The following VPS53 variants were observed in gnomAD, a reference collection of about 807,000 sequenced individuals.
VPS53 encodes the protein vacuolar protein sorting-associated protein 53 homolog.
A neutral mutation model predicts 107.0 loss-of-function variants in VPS53; 70 were observed. The observed-to-expected ratio is 0.65, with a 90% CI of 0.54 to 0.80. The LOEUF (loss-of-function observed/expected upper bound fraction) is 0.80, where lower values mean the gene tolerates loss of function less well. Among genes scored for constraint, VPS53 ranks in the 30% least tolerant of loss-of-function variants. The pLI is 0.00. For synonymous variants in VPS53, 409 were observed against 393.3 expected (o/e 1.04, Z -0.47); for missense variants, 917 against 1,049.4 (o/e 0.87, Z 1.74).
rs559337170 is a variant in VPS53, at chr17:673,258, T to TG, written c.286-11364dup. 3.7e-3 allele frequency among the ~76,000 whole-genome samples: 562 copies of TG among 152,082 alleles called. 5 individuals carry two copies. Among genetic ancestry groups the TG allele is most frequent in the South Asian group, 0.021 (102 of 4,808 alleles). On this transcript the variant is annotated intron_variant, in intron 4 of 21. Coordinates refer to ENST00000437048, the MANE Select transcript of VPS53 (RefSeq NM_001128159.3). ...AAGCCCTCACCACATCCACTGAGGG[T>TG]GGACACCAAGGGTCAAGTCGCCTCT...
At chr17:535,742 C>A (rs1910004685) in intron 18 of VPS53, among the ~76,000 whole-genome samples, 1 of 152,180 alleles carries the variant, frequency 6.6e-6, no homozygotes, top group Admixed American at 6.6e-5. Context: ...GGGAATTTCA[C>A]CTCCTGGTCC....
In VPS53 at chr17:516,744, G is replaced by C. The variant is rs900595861; in HGVS notation, c.*2384C>G. 8.5e-5 allele frequency: 13 copies of C among 152,210 alleles called. No individual in the cohort carries two copies. The highest frequency in any genetic ancestry group is 3.1e-4 in the African/African-American group (13 of 41,446). The allele number at this position is 152,210 out of a possible 1,614,324, so 9.4% of individuals were successfully genotyped here. On this transcript the variant is annotated 3_prime_UTR_variant, in exon 22 of 22. Coordinates refer to ENST00000437048, the MANE Select transcript of VPS53 (RefSeq NM_001128159.3). ...ACACAGCGTCTCTACACAGTACTGA[G>C]TCCCCATCAAGGAGACATTTAACAG...
chr17:529,791 C>T (rs1909391699), intron 19 of VPS53, among the ~76,000 whole-genome samples: 1 of 151,632 alleles, frequency 6.6e-6, no homozygotes, highest in Admixed American at 6.6e-5. Flanking sequence ...CGCCTGTAAT[C>T]GCACCACTTT....
Position 704,199 on chromosome 17 carries a change from T to C in VPS53, c.169-4819A>G, listed in dbSNP as rs193233936. Among the ~76,000 whole-genome samples the C allele has an allele frequency of 9.5e-4, 145 of 152,308 alleles. 2 individuals are homozygous for C. Among genetic ancestry groups the C allele is most frequent in the African/African-American group, 3.4e-3 (141 of 41,568 alleles). ...AGGCTAAAACGATTTTCTAGACCAC[T>C]GCGACCAAACCTGGCTACTATTTAA... On this transcript the variant is annotated intron_variant, in intron 2 of 21. Coordinates refer to ENST00000437048, the MANE Select transcript of VPS53 (RefSeq NM_001128159.3).
intron 11 of VPS53, among the ~76,000 whole-genome samples, chr17:603,934 T>C (rs1968442359): frequency 6.6e-6 from 1 of 152,224 alleles, no homozygotes; most frequent in Non-Finnish European, 1.5e-5. Context: ...GGCTTAACAG[T>C]GGGCTCTGGG....
At position 697,443 on chromosome 17, in the gene VPS53, G is replaced by A. The variant is rs771435190; in HGVS notation, c.260C>T (p.Thr87Met). ...DNIRTVVRGQ[T>M]NVGQDGRQAL... ...TTGCCGTCCATCCTGCCCCACGTTC[G>A]TCTGACCTCTTACAACAGTTCGAAT... Residue 87 changes from threonine to methionine, a missense_variant, in exon 4 of 22, where the codon ACG becomes ATG. Physicochemically the swap from Thr to Met is moderately conservative, Grantham distance 81. Transcript: ENST00000437048. 92 of 1,613,924 alleles carry A rather than the reference G, an allele frequency of 5.7e-5. No homozygotes were observed. The highest frequency in any genetic ancestry group is 9.3e-5 in the African/African-American group (7 of 74,908).
At chr17:598,684 C>G in intron 12 of VPS53, among the ~76,000 whole-genome samples, 1 of 141,132 alleles carries the variant, frequency 7.1e-6, no homozygotes, top group Non-Finnish European at 1.6e-5. Context: ...GCATTTCTGC[C>G]CGGCCGCCCC....
In VPS53 at chr17:656,731, T is replaced by TGTGTGTGTGTGTGTGTGTGTGTGTGTG. The variant is rs571847599; in HGVS notation, c.373-779_373-778insCACACACACACACACACACACACACAC. ...GTGTGTGTGTGTGTGTGTGTGTGTG[T>TGTGTGTGTGTGTGTGTGTGTGTGTGTG]TTTATCATGCCACATTATTTTTAAT... is the stretch of plus-strand genomic sequence containing the variant. On this transcript the variant is annotated intron_variant, in intron 5 of 21. Transcript: ENST00000437048. The TGTGTGTGTGTGTGTGTGTGTGTGTGTG allele has an allele frequency of 1.4e-5, 10 of 706,284 alleles. No individual in the cohort carries two copies. In the African/African-American group the frequency reaches 1.8e-4, roughly 13 times the overall value. 43.8% of individuals were successfully genotyped at this position (706,284 alleles called of 1,614,324 possible). A position where few individuals can be genotyped will look rare whatever the true frequency, so the allele number is the denominator to read the frequency against.
intron 4 of VPS53, among the ~76,000 whole-genome samples, chr17:695,909 T>A (rs1444699617): frequency 5.9e-5 from 9 of 152,062 alleles, no homozygotes; most frequent in African/African-American, 2.2e-4. Context: ...GACAATACGA[T>A]CAAACACAGA....
intron 19 of VPS53, among the ~76,000 whole-genome samples, chr17:522,133 G>T (rs994726104): frequency 1.3e-5 from 2 of 152,018 alleles, no homozygotes; most frequent in African/African-American, 4.8e-5. Context: ...GCGCATCTGT[G>T]GTCCCAGCTA....
chr17:605,774 C>A (rs1213408776), intron 11 of VPS53, among the ~76,000 whole-genome samples: 1 of 130,798 alleles, frequency 7.6e-6, no homozygotes, highest in African/African-American at 3.0e-5. Context: ...AGAGTCGCAT[C>A]ATATTGGTGA....
chr17:708,895 C>T (rs976419430), intron 2 of VPS53, among the ~76,000 whole-genome samples: 23 of 152,176 alleles, frequency 1.5e-4, no homozygotes, highest in African/African-American at 5.6e-4. Context: ...ACTTATTTAA[C>T]TATTTTCTTT....
chr17:697,629 C>T, intron 3 of VPS53, 145 bp from the exon 4 acceptor site: 1 of 676,974 alleles, frequency 1.5e-6, no homozygotes, highest in South Asian at 1.8e-5. Context: ...TGAGTGGCAT[C>T]AGGCAGGAGG....
At chr17:558,475 TA>T (rs909322988) in intron 15 of VPS53, among the ~76,000 whole-genome samples, 134 of 148,496 alleles carry the variant, frequency 9.0e-4, no homozygotes, top group Middle Eastern at 3.4e-3. Context: ...CTACTAAAAA[TA>T]AAAAAAAATT....
intron 7 of VPS53, among the ~76,000 whole-genome samples, chr17:639,998 G>A (rs1970358470): frequency 1.3e-5 from 2 of 152,182 alleles, no homozygotes; most frequent in Non-Finnish European, 2.9e-5. Flanking sequence ...GCCCCCAGAG[G>A]TGGAGTCTAC....
intron 19 of VPS53, among the ~76,000 whole-genome samples, chr17:526,898 A>G (rs1484631869): frequency 6.6e-6 from 1 of 152,268 alleles, no homozygotes; most frequent in Non-Finnish European, 1.5e-5. Flanking sequence ...CACTCCTAGA[A>G]GACAAAGAAC....
intron 13 of VPS53, among the ~76,000 whole-genome samples, chr17:567,776 T>C (rs899835399): frequency 6.6e-6 from 1 of 151,756 alleles, no homozygotes; most frequent in Non-Finnish European, 1.5e-5. Flanking sequence ...GTAGTTACAG[T>C]TACTTGGGAG....
At chr17:672,471 T>C (rs1333370043) in intron 4 of VPS53, among the ~76,000 whole-genome samples, 1 of 152,154 alleles carries the variant, frequency 6.6e-6, no homozygotes, top group Non-Finnish European at 1.5e-5. Context: ...ATCTCCTAGA[T>C]GGAGTAGGAT....
Position 510,434 on chromosome 17 carries a change from G to C in VPS53, c.*8694C>G, listed in dbSNP as rs1296961765. On this transcript the variant is annotated 3_prime_UTR_variant, in exon 22 of 22. Coordinates refer to ENST00000437048, the MANE Select transcript of VPS53 (RefSeq NM_001128159.3). ...GCTAGTCACGTATCAAATCCTGGCC[G>C]ACCCCTTACTAGTCCCATATGAAAT... is the stretch of plus-strand genomic sequence containing the variant. 1 of 196,322 alleles carries C rather than the reference G, an allele frequency of 5.1e-6. No individual in the cohort carries two copies. The highest frequency in any genetic ancestry group is 1.1e-5 in the Non-Finnish European group (1 of 94,146). The allele number at this position is 196,322 out of a possible 1,614,324, so 12.2% of individuals were successfully genotyped here.
Sources: allele counts gnomAD v4.1 joint callset (sites outside exome capture counted in the v4.1 genomes callset), GRCh38; gene constraint gnomAD v4.1.1; transcripts MANE v1.5; gene names NCBI Gene and HGNC (gene_info 2026-07-23, HGNC 2026-07-21).